The following NTM variants were observed in gnomAD, a reference collection of about 807,000 sequenced individuals.
NTM encodes the protein neurotrimin, also known as IgLON family member 2.
NTM carries 13 observed loss-of-function variants against 42.1 expected under a neutral mutation model. The observed-to-expected ratio is 0.31, with a 90% CI of 0.20 to 0.49. The LOEUF (loss-of-function observed/expected upper bound fraction) is 0.49, where lower values mean the gene tolerates loss of function less well. Among genes scored for constraint, NTM ranks in the 20% least tolerant of loss-of-function variants. The pLI is 0.99. For missense variants in NTM, 373 were observed against 452.8 expected (o/e 0.82, Z 1.60); for synonymous variants, 187 against 179.2 (o/e 1.04, Z -0.35).
chr11:131,486,310 T>C (rs964261513), intron 1 of NTM, among the ~76,000 whole-genome samples: 1 of 152,110 alleles, frequency 6.6e-6, no homozygotes, highest in African/African-American at 2.4e-5. Context: ...GGCACTGAAG[T>C]CCCAGTTCCA....
At chr11:131,464,720 G>A (rs142725071) in intron 1 of NTM, among the ~76,000 whole-genome samples, 6 of 152,302 alleles carry the variant, frequency 3.9e-5, no homozygotes, top group East Asian at 1.9e-4. Context: ...CCCTTCTGCC[G>A]GCTGAGAACC....
rs79638040 is a variant in NTM at position 132,138,307 on chromosome 11, G to A, written c.168-7975G>A. ...AGTATGTCTGGAAAACACTCATGGG[G>A]GAACAGCAAAATTTTGCAGAGAAAA... On this transcript the variant is annotated intron_variant, in intron 2 of 8. Coordinates refer to ENST00000683400, the MANE Select transcript of NTM (RefSeq NM_001352005.2). Among the ~76,000 whole-genome samples the A allele has an allele frequency of 8.5e-4, 129 of 152,238 alleles. 1 individual carries two copies. In the East Asian group the frequency reaches 0.024, roughly 28 times the overall value.
At chr11:131,789,535 AGAAGAAGAAGAAAAGAAGAAGAAG>A (rs2090217649) in intron 1 of NTM, among the ~76,000 whole-genome samples, 1 of 28,654 alleles carries the variant, frequency 3.5e-5, no homozygotes, top group Non-Finnish European at 6.0e-5. Flanking sequence ...AAGAAGAAGA[AGAAGAAGAAGAAAAGAAGAAGAAG>A]AAGAAGAAGA....
chr11:132,033,333 G>T (rs2076150696), intron 2 of NTM, among the ~76,000 whole-genome samples: 1 of 152,272 alleles, frequency 6.6e-6, no homozygotes, highest in East Asian at 1.9e-4. Flanking sequence ...CAAATGTCTG[G>T]CAATCTGCCT....
At chr11:132,285,585 C>T (rs60608158) in intron 4 of NTM, among the ~76,000 whole-genome samples, 1,949 of 152,226 alleles carry the variant, frequency 0.013, 44 homozygotes, top group African/African-American at 0.045. Context: ...TGCTATGTCT[C>T]GGGCACCACC....
intron 1 of NTM, among the ~76,000 whole-genome samples, chr11:131,375,130 G>A (rs1181172073): frequency 2.0e-5 from 3 of 152,090 alleles, no homozygotes; most frequent in Non-Finnish European, 4.4e-5. Flanking sequence ...CTCCATGGGG[G>A]ACATGTACAT....
At chr11:131,519,146 TGAG>T (rs1333065255) in intron 1 of NTM, among the ~76,000 whole-genome samples, 2 of 152,214 alleles carry the variant, frequency 1.3e-5, no homozygotes, top group Non-Finnish European at 2.9e-5. Context: ...GGCCACTTCA[TGAG>T]GAGAAGCCCT....
intron 1 of NTM, among the ~76,000 whole-genome samples, chr11:131,895,012 A>C (rs2137581069): frequency 6.6e-6 from 1 of 152,276 alleles, no homozygotes; most frequent in South Asian, 2.1e-4. Flanking sequence ...CGACCCTTGC[A>C]CACCGGGCAA....
intron 2 of NTM, among the ~76,000 whole-genome samples, chr11:131,969,879 C>T (rs1188330342): frequency 6.6e-6 from 1 of 152,180 alleles, no homozygotes; most frequent in Non-Finnish European, 1.5e-5. Flanking sequence ...TGCAGTGGCA[C>T]CATCGTGGCT....
At chr11:131,796,174 C>A (rs1591918050) in intron 1 of NTM, 1 of 985,098 alleles carries the variant, frequency 1.0e-6, no homozygotes, top group South Asian at 4.7e-5. Flanking sequence ...CCTCCTGCAG[C>A]TGGGGAAACA....
intron 2 of NTM, among the ~76,000 whole-genome samples, chr11:132,017,965 A>G (rs562291024): frequency 2.8e-4 from 43 of 152,160 alleles, no homozygotes; most frequent in Non-Finnish European, 5.6e-4. Context: ...TTGTATGCCA[A>G]TGCTCTTTCC....
At chr11:131,852,508 T>C (rs1206595494) in intron 1 of NTM, among the ~76,000 whole-genome samples, 2 of 152,146 alleles carry the variant, frequency 1.3e-5, no homozygotes, top group Non-Finnish European at 2.9e-5. Flanking sequence ...TAAATGAACT[T>C]TGAGAGAAGA....
chr11:132,271,690 C>A (rs2093486096), intron 4 of NTM, among the ~76,000 whole-genome samples: 1 of 148,924 alleles, frequency 6.7e-6, no homozygotes, highest in South Asian at 2.1e-4. Flanking sequence ...ATTCATACAT[C>A]TTTGGAGACA....
intron 1 of NTM, among the ~76,000 whole-genome samples, chr11:131,475,947 T>C (rs1419325724): frequency 3.9e-5 from 6 of 152,132 alleles, no homozygotes. Context: ...CACTGAGATA[T>C]GGGCATAATC....
chr11:131,946,611 A>G (rs554176298), intron 2 of NTM, among the ~76,000 whole-genome samples: 1 of 152,340 alleles, frequency 6.6e-6, no homozygotes, highest in African/African-American at 2.4e-5. Context: ...AGGAGTCCAC[A>G]GGTTGTCATG....
At chr11:131,892,652 G>A (rs188484403) in intron 1 of NTM, among the ~76,000 whole-genome samples, 3 of 152,346 alleles carry the variant, frequency 2.0e-5, no homozygotes, top group Admixed American at 1.3e-4. Flanking sequence ...ACTTGAGGGT[G>A]GAGGAAATTT....
chr11:131,853,778 A>C (rs537051673), intron 1 of NTM, among the ~76,000 whole-genome samples: 2 of 152,192 alleles, frequency 1.3e-5, no homozygotes, highest in East Asian at 1.9e-4. Context: ...TTGCTGGATC[A>C]AGTGATATTT....
intron 1 of NTM, among the ~76,000 whole-genome samples, chr11:131,606,270 G>T (rs2060949977): frequency 6.6e-6 from 1 of 152,096 alleles, no homozygotes; most frequent in East Asian, 1.9e-4. Flanking sequence ...TGTGCAAACT[G>T]GTCCCGAACT....
At chr11:132,006,149 C>T (rs145255091) in intron 2 of NTM, among the ~76,000 whole-genome samples, 60 of 152,160 alleles carry the variant, frequency 3.9e-4, no homozygotes, top group African/African-American at 1.3e-3. Context: ...GCTTGGTGTT[C>T]GCATTCAAGG....
Sources: allele counts gnomAD v4.1 joint callset (sites outside exome capture counted in the v4.1 genomes callset), GRCh38; gene constraint gnomAD v4.1.1; transcripts MANE v1.5; gene names NCBI Gene and HGNC (gene_info 2026-07-23, HGNC 2026-07-21).